Variants in PPM1H observed in about 807,000 individuals in gnomAD.
PPM1H encodes the protein protein phosphatase, Mg2+/Mn2+ dependent 1H.
PPM1H carries 27 observed loss-of-function variants against 54.9 expected under a neutral mutation model. The observed-to-expected ratio is 0.49, with a 90% CI of 0.36 to 0.68. The LOEUF is 0.68. Among genes scored for constraint, PPM1H ranks in the 30% least tolerant of loss-of-function variants. The probability of loss-of-function intolerance (pLI) is 0.00; values close to 1 mark genes in which losing one functional copy is unlikely to be tolerated. For synonymous variants in PPM1H, 305 were observed against 270.8 expected (o/e 1.13, Z -1.24); for missense variants, 596 against 667.8 (o/e 0.89, Z 1.19).
At chr12:62,885,436 C>A (rs1025516259) in intron 1 of PPM1H, among the ~76,000 whole-genome samples, 41 of 152,070 alleles carry the variant, frequency 2.7e-4, no homozygotes, top group African/African-American at 9.7e-4. Flanking sequence ...TAGGTCAGGC[C>A]CACCTGGGAT....
chr12:62,694,819 T>C (rs1259043757), intron 6 of PPM1H, among the ~76,000 whole-genome samples: 2 of 152,216 alleles, frequency 1.3e-5, no homozygotes, highest in Non-Finnish European at 2.9e-5. Flanking sequence ...AAGAGCTCAG[T>C]ACAGAGCCTG....
chr12:62,868,773 T>C (rs1028879906), intron 1 of PPM1H, among the ~76,000 whole-genome samples: 3 of 151,484 alleles, frequency 2.0e-5, no homozygotes, highest in African/African-American at 7.2e-5. Context: ...CACAAATGGG[T>C]GCGCACGATG....
intron 1 of PPM1H, among the ~76,000 whole-genome samples, chr12:62,914,795 T>G (rs1871568800): frequency 6.6e-6 from 1 of 152,190 alleles, no homozygotes; most frequent in South Asian, 2.1e-4. Flanking sequence ...AGCAGAGAAG[T>G]GTAAGCCTCC....
chr12:62,876,973 T>TG (rs1004867550), intron 1 of PPM1H, among the ~76,000 whole-genome samples: 3 of 152,186 alleles, frequency 2.0e-5, no homozygotes, highest in Non-Finnish European at 4.4e-5. Context: ...AGTCGGCACT[T>TG]GCGCCCATCT....
chr12:62,880,114 A>G (rs771158760), intron 1 of PPM1H, among the ~76,000 whole-genome samples: 4 of 152,336 alleles, frequency 2.6e-5, no homozygotes, highest in East Asian at 1.9e-4. Context: ...GAGAGAGAGA[A>G]AAAAGTTGTT....
At chr12:62,686,757 G>A (rs2076054586) in intron 8 of PPM1H, among the ~76,000 whole-genome samples, 2 of 152,186 alleles carry the variant, frequency 1.3e-5, no homozygotes, top group Non-Finnish European at 1.5e-5. Context: ...GAAATCCTGG[G>A]TGATACCAGG....
chr12:62,832,197 C>T lies in PPM1H; in HGVS notation c.328G>A (p.Val110Met), dbSNP rs557575879. The change falls in exon 2 of 10, where the codon GTG becomes ATG. Residue 110 changes from valine to methionine, a missense_variant. Val to Met is a conservative substitution (Grantham distance 21). Around this residue, in one of 3 missense-constraint regions of PPM1H, gnomAD observed 382 missense variants for 387.1 expected, o/e 0.99. Transcript: ENST00000228705. ...VLTVKKKAGA[V>M]TSTPNRNSSK... ...GAGTTCCTGTTTGGGGTTGAGGTCA[C>T]GGCCCCTGCCTTCTTCTTCACAGTG... The T allele has an allele frequency of 2.2e-5, 35 of 1,613,728 alleles. No individual in the cohort carries two copies. The highest frequency in any genetic ancestry group is 1.6e-4 in the African/African-American group (12 of 75,036).
chr12:62,665,282 C>T (rs1038567344), intron 9 of PPM1H, among the ~76,000 whole-genome samples: 1 of 152,170 alleles, frequency 6.6e-6, no homozygotes, highest in African/African-American at 2.4e-5. Flanking sequence ...CTCCTGACCT[C>T]AGGTGATCTG....
chr12:62,826,365 C>T (rs1290819539), intron 2 of PPM1H, among the ~76,000 whole-genome samples: 4 of 152,214 alleles, frequency 2.6e-5, no homozygotes, highest in Admixed American at 2.6e-4. Context: ...AAGAGAAGAG[C>T]TTGAACCTGG....
chr12:62,819,137 T>A (rs1476262217), intron 2 of PPM1H, among the ~76,000 whole-genome samples: 2 of 139,630 alleles, frequency 1.4e-5, no homozygotes, highest in Non-Finnish European at 1.5e-5. Context: ...TTGCTTTTTT[T>A]TTTTTTTTTT....
intron 6 of PPM1H, among the ~76,000 whole-genome samples, chr12:62,704,065 T>A (rs2076159765): frequency 6.6e-6 from 1 of 151,994 alleles, no homozygotes; most frequent in Non-Finnish European, 1.5e-5. Context: ...ATCTTACTAT[T>A]ATATTTTAAA....
At chr12:62,796,515 TAAAGGATATTAC>T (rs2076735113) in intron 3 of PPM1H, among the ~76,000 whole-genome samples, 2 of 152,228 alleles carry the variant, frequency 1.3e-5, no homozygotes, top group Admixed American at 6.5e-5. Context: ...TAGTTCATTA[TAAAGGATATTAC>T]AAAGGATATG....
intron 2 of PPM1H, among the ~76,000 whole-genome samples, chr12:62,817,699 G>A (rs1328623683): frequency 5.3e-5 from 8 of 152,074 alleles, no homozygotes; most frequent in Admixed American, 1.3e-4. Context: ...TTCATGTTTC[G>A]GGGGTGAAAG....
At chr12:62,843,857 G>A (rs1868851093) in intron 1 of PPM1H, among the ~76,000 whole-genome samples, 1 of 152,156 alleles carries the variant, frequency 6.6e-6, no homozygotes, top group Admixed American at 6.5e-5. Context: ...ACATCAAGTA[G>A]CCCTTTGAAA....
At chr12:62,890,880 C>T (rs1233732186) in intron 1 of PPM1H, among the ~76,000 whole-genome samples, 1 of 151,988 alleles carries the variant, frequency 6.6e-6, no homozygotes, top group African/African-American at 2.4e-5. Context: ...GAGGCCAAGG[C>T]AGGCGGCTCA....
chr12:62,658,165 C>G (rs967404256), intron 9 of PPM1H, among the ~76,000 whole-genome samples: 3 of 142,218 alleles, frequency 2.1e-5, no homozygotes, highest in African/African-American at 7.9e-5. Context: ...TTGAGACCAG[C>G]CTGGGTAACA....
At position 62,802,152 on chromosome 12, in the gene PPM1H, C is replaced by A; in HGVS notation, c.420G>T (p.Glu140Asp). 1 of 1,564,586 alleles carries A rather than the reference C, an allele frequency of 6.4e-7. No homozygotes were observed. The highest frequency in any genetic ancestry group is 8.7e-7 in the Non-Finnish European group (1 of 1,152,928). Residue 140 changes from glutamate (E) to aspartate (D), a missense_variant, in exon 3 of 10, where the codon GAG (glutamate) becomes GAT (aspartate). Glu to Asp is a conservative substitution (Grantham distance 45). Around this residue, in one of 3 missense-constraint regions of PPM1H, gnomAD observed 382 missense variants for 387.1 expected, o/e 0.99. Transcript: ENST00000228705. ...GLQLKENSESEGVSCHYWSLF... is the reference protein window; with the variant it reads ...GLQLKENSESDGVSCHYWSLF... ...GCGACCAATAGTGGCAGGAAACACC[C>A]TCGGATTCCTGTGGGAGAGGACGAC...
chr12:62,933,565 C>A (rs570610849), intron 1 of PPM1H, among the ~76,000 whole-genome samples: 1 of 151,558 alleles, frequency 6.6e-6, no homozygotes, highest in Non-Finnish European at 1.5e-5. Context: ...TCATTAATAA[C>A]CTTGAATTCT....
At chr12:62,822,394 A>G (rs1257330569) in intron 2 of PPM1H, among the ~76,000 whole-genome samples, 1 of 152,248 alleles carries the variant, frequency 6.6e-6, no homozygotes, top group East Asian at 1.9e-4. Flanking sequence ...GCTCTGCACC[A>G]AGAGGACGTG....
Sources: gnomAD v4.1 joint callset for allele counts (sites outside exome capture counted in the v4.1 genomes callset) on GRCh38, gnomAD v4.1.1 for gene constraint, gnomAD v4.1.1 regional missense constraint, MANE v1.5 for transcripts, NCBI Gene and HGNC (gene_info 2026-07-23, HGNC 2026-07-21) for gene names.